The following DGKB variants were observed in gnomAD, a reference collection of about 807,000 sequenced individuals.
DGKB encodes 90 kDa diacylglycerol kinase.
In DGKB, 67 loss-of-function variants were observed where a neutral mutation model predicts 114.3. That is an observed-to-expected ratio of 0.59 (90% CI 0.48 to 0.72). DGKB has a LOEUF of 0.72. Ranked by LOEUF, DGKB falls within the 30% of genes least tolerant of loss-of-function variation. The pLI, the probability that DGKB is intolerant of heterozygous loss-of-function variation, is 0.00. For missense variants in DGKB, 907 were observed against 975.2 expected, an observed-to-expected ratio of 0.93 and a Z score of 0.93; for synonymous variants, 398 against 323.1, an observed-to-expected ratio of 1.23 and a Z score of -2.49.
chr7:14,767,717 T>G (rs572773551), intron 2 of DGKB, among the ~76,000 whole-genome samples: 4 of 151,986 alleles, frequency 2.6e-5, no homozygotes, highest in African/African-American at 9.7e-5. Context: ...TTGTGGGCAA[T>G]AGAATTAAAT....
intron 20 of DGKB, among the ~76,000 whole-genome samples, chr7:14,525,095 T>C (rs1443010401): frequency 6.6e-6 from 1 of 152,054 alleles, no homozygotes; most frequent in Admixed American, 6.6e-5. Flanking sequence ...ATAAAAAGTT[T>C]GGGATTTTTT....
At chr7:14,635,257 T>C (rs1217168937) in intron 13 of DGKB, among the ~76,000 whole-genome samples, 1 of 102,532 alleles carries the variant, frequency 9.8e-6, no homozygotes, top group African/African-American at 3.9e-5. Context: ...ATATGATTGT[T>C]TATGTCTATT....
intron 1 of DGKB, among the ~76,000 whole-genome samples, chr7:14,858,077 G>A (rs1414110962): frequency 9.9e-5 from 15 of 152,068 alleles, no homozygotes; most frequent in Admixed American, 9.8e-4. Flanking sequence ...TCATTGTAAT[G>A]CAAATGGATA....
intron 9 of DGKB, among the ~76,000 whole-genome samples, chr7:14,689,902 A>T (rs976524690): frequency 2.6e-5 from 4 of 152,226 alleles, no homozygotes; most frequent in South Asian, 2.1e-4. Flanking sequence ...CAAGAAAAAA[A>T]TGTGTCTTAA....
chr7:14,250,133 T>TA (rs1491420041), intron 23 of DGKB, among the ~76,000 whole-genome samples: 6,361 of 32,428 alleles, frequency 0.2, 113 homozygotes, highest in African/African-American at 0.25. Context: ...TATATATATA[T>TA]TTTTTTTTTT....
chr7:14,284,907 T>C (rs1800609256), intron 23 of DGKB, among the ~76,000 whole-genome samples: 1 of 150,580 alleles, frequency 6.6e-6, no homozygotes, highest in Admixed American at 6.6e-5. Context: ...ATATACCTAA[T>C]GCTAGATGAC....
At chr7:14,647,890 A>T (rs1301583327) in intron 13 of DGKB, among the ~76,000 whole-genome samples, 9 of 152,222 alleles carry the variant, frequency 5.9e-5, no homozygotes, top group Non-Finnish European at 1.2e-4. Context: ...GACGGACAGC[A>T]CCTGGAAAAT....
chr7:14,728,726 T>C (rs886712871), intron 5 of DGKB, among the ~76,000 whole-genome samples: 4 of 148,026 alleles, frequency 2.7e-5, no homozygotes, highest in African/African-American at 5.0e-5. Flanking sequence ...TTCTCTGAGA[T>C]GGAGTCTCGC....
chr7:14,855,592 T>C (rs139925513), intron 1 of DGKB, among the ~76,000 whole-genome samples: 174 of 152,280 alleles, frequency 1.1e-3, no homozygotes, highest in African/African-American at 4.1e-3. Flanking sequence ...TGTCAGATGC[T>C]GATTCAGCAT....
At chr7:14,174,496 A>G (rs1369463582) in intron 25 of DGKB, among the ~76,000 whole-genome samples, 2 of 152,144 alleles carry the variant, frequency 1.3e-5, no homozygotes, top group Non-Finnish European at 2.9e-5. Context: ...TTCTCCTGAG[A>G]AGAGTCCAAA....
chr7:14,477,308 C>A (rs1782328656), intron 21 of DGKB, among the ~76,000 whole-genome samples: 1 of 152,156 alleles, frequency 6.6e-6, no homozygotes, highest in Non-Finnish European at 1.5e-5. Context: ...TGGTCTATAA[C>A]ATTTATGGCA....
chr7:14,808,451 C>T (rs73280222), intron 2 of DGKB, among the ~76,000 whole-genome samples: 1,605 of 151,914 alleles, frequency 0.011, 20 homozygotes, highest in African/African-American at 0.035. Context: ...ACTATAACTA[C>T]GAAGAGTCCA....
intron 13 of DGKB, among the ~76,000 whole-genome samples, chr7:14,652,243 C>G (rs983646630): frequency 2.1e-4 from 32 of 152,016 alleles, no homozygotes; most frequent in African/African-American, 5.1e-4. Context: ...TACCTGACTT[C>G]AAACTATACT....
At chr7:14,663,549 C>T (rs1427418900) in intron 13 of DGKB, among the ~76,000 whole-genome samples, 1 of 151,702 alleles carries the variant, frequency 6.6e-6, no homozygotes, top group African/African-American at 2.4e-5. Context: ...TTCTGGCTAT[C>T]ATTATTCTCT....
At chr7:14,968,749 A>C (rs1173563027) in intron 1 of DGKB, among the ~76,000 whole-genome samples, 1 of 152,150 alleles carries the variant, frequency 6.6e-6, no homozygotes, top group Non-Finnish European at 1.5e-5. Flanking sequence ...TGGAAGCAAA[A>C]TGTGATATTT....
intron 2 of DGKB, among the ~76,000 whole-genome samples, chr7:14,765,636 T>TAATTTA (rs1358892351): frequency 6.6e-6 from 1 of 151,996 alleles, no homozygotes; most frequent in African/African-American, 2.4e-5. Flanking sequence ...GACAAATATC[T>TAATTTA]GCTAATTTAG....
chr7:14,747,775 G>GCGCGCGTGCGCGCACACACACACACA, intron 4 of DGKB, among the ~76,000 whole-genome samples: 2 of 149,178 alleles, frequency 1.3e-5, no homozygotes, highest in Admixed American at 6.7e-5. Context: ...ACATCCACGC[G>GCGCGCGTGCGCGCACACACACACACA]CACGCACACA....
chr7:14,315,684 G>T (rs1806339419), intron 23 of DGKB, among the ~76,000 whole-genome samples: 2 of 148,576 alleles, frequency 1.3e-5, no homozygotes, highest in Non-Finnish European at 3.0e-5. Flanking sequence ...ATTAATAATG[G>T]GAGACTTTAA....
chr7:14,674,637 G>T (rs748709752), intron 12 of DGKB, among the ~76,000 whole-genome samples: 4 of 152,058 alleles, frequency 2.6e-5, no homozygotes, highest in African/African-American at 4.8e-5. Flanking sequence ...CTAAGATGTT[G>T]GTTTAGCTGG....
Sources: allele counts gnomAD v4.1 joint callset (sites outside exome capture counted in the v4.1 genomes callset), GRCh38; gene constraint gnomAD v4.1.1; transcripts MANE v1.5; gene names NCBI Gene and HGNC (gene_info 2026-07-23, HGNC 2026-07-21).